Variants in PLCB1 observed in about 807,000 individuals in gnomAD.
PLCB1 encodes phospholipase C beta 1.
Under a neutral mutation model 161.8 loss-of-function variants are expected in PLCB1, and 46 were observed. That is an observed-to-expected ratio of 0.28 (90% CI 0.22 to 0.36). The LOEUF is 0.36. PLCB1 is among the 10% of genes least tolerant of loss of function. PLCB1 has a pLI of 1.00. For synonymous variants in PLCB1, 517 were observed against 503.7 expected (o/e 1.03, Z -0.35); for missense variants, 1,016 against 1,472.5 (o/e 0.69, Z 5.07).
At position 8,536,591 on chromosome 20, in the gene PLCB1, C is replaced by A. The variant is rs371944629; in HGVS notation, c.247-91703C>A. Among the ~76,000 whole-genome samples, 72 of 152,200 alleles carry A rather than the reference C, an allele frequency of 4.7e-4. No homozygotes were observed. In the South Asian group the frequency reaches 7.1e-3, roughly 15 times the overall value. On this transcript the variant is annotated intron_variant, in intron 3 of 31. Coordinates refer to ENST00000338037, the MANE Select transcript of PLCB1 (RefSeq NM_015192.4). ...TCTGAAGGCTCACTGGGCTAGACAT[C>A]CCAGGTGATCATCACTCACCGGCCC... is the stretch of plus-strand genomic sequence containing the variant.
intron 3 of PLCB1, among the ~76,000 whole-genome samples, chr20:8,477,477 A>C (rs1172602643): frequency 2.6e-5 from 4 of 152,232 alleles, no homozygotes; most frequent in Non-Finnish European, 5.9e-5. Context: ...AAATGTATCA[A>C]CTTCCATGTA....
chr20:8,772,195 CTCTG>C (rs1196197672), intron 26 of PLCB1, among the ~76,000 whole-genome samples: 2 of 151,932 alleles, frequency 1.3e-5, no homozygotes, highest in African/African-American at 2.4e-5. Flanking sequence ...GTTCCTAATA[CTCTG>C]TCTTTCCCTG....
At chr20:8,649,542 G>T in intron 7 of PLCB1, 93 bp downstream of exon 7, 1 of 851,552 alleles carries the variant, frequency 1.2e-6, no homozygotes, top group South Asian at 1.4e-5. Context: ...TTGAGAGGTA[G>T]GGCCTTTAAG....
chr20:8,723,545 T>C (rs1979764039), intron 15 of PLCB1, among the ~76,000 whole-genome samples: 1 of 152,194 alleles, frequency 6.6e-6, no homozygotes, highest in East Asian at 1.9e-4. Context: ...CAAAGTAATA[T>C]GTCATAGCTA....
At chr20:8,143,774 G>A (rs1348761007) in intron 1 of PLCB1, among the ~76,000 whole-genome samples, 1 of 152,188 alleles carries the variant, frequency 6.6e-6, no homozygotes, top group African/African-American at 2.4e-5. Context: ...TAATGTGGTT[G>A]GATGGCAAGG....
chr20:8,371,142 C>G, intron 2 of PLCB1: 1 of 466,806 alleles, frequency 2.1e-6, no homozygotes, highest in South Asian at 3.4e-5. Flanking sequence ...GTAGGATAGA[C>G]TGGGGACATA....
chr20:8,372,585 A>G (rs1220183028), intron 3 of PLCB1, among the ~76,000 whole-genome samples: 5 of 152,254 alleles, frequency 3.3e-5, no homozygotes, highest in Admixed American at 2.6e-4. Flanking sequence ...ATATGAAACT[A>G]ATCTGTTATT....
chr20:8,768,223 G>T (rs193181641), intron 26 of PLCB1, among the ~76,000 whole-genome samples: 1 of 152,056 alleles, frequency 6.6e-6, no homozygotes, highest in Non-Finnish European at 1.5e-5. Context: ...TGGACTATGC[G>T]CTCTCTGAAA....
At chr20:8,169,692 G>A (rs2123066206) in intron 2 of PLCB1, among the ~76,000 whole-genome samples, 1 of 152,212 alleles carries the variant, frequency 6.6e-6, no homozygotes, top group African/African-American at 2.4e-5. Flanking sequence ...CTATCTAAGA[G>A]TTAGTAGATC....
At chr20:8,601,146 G>A (rs549251051) in intron 3 of PLCB1, among the ~76,000 whole-genome samples, 3 of 152,122 alleles carry the variant, frequency 2.0e-5, no homozygotes, top group East Asian at 3.9e-4. Context: ...CAAAATATAA[G>A]GAGCAAAAGA....
chr20:8,685,890 C>G (rs983179697), intron 10 of PLCB1, among the ~76,000 whole-genome samples: 1 of 152,142 alleles, frequency 6.6e-6, no homozygotes, highest in Admixed American at 6.5e-5. Context: ...CTAATCTGAT[C>G]TTAAATTAAG....
At chr20:8,388,192 G>A (rs13038039) in intron 3 of PLCB1, among the ~76,000 whole-genome samples, 20,714 of 151,918 alleles carry the variant, frequency 0.14, 1,838 homozygotes, top group Non-Finnish European at 0.19. Context: ...ATACCCTTTT[G>A]TATATGCTTT....
At chr20:8,752,721 A>G (rs1281818269) in intron 23 of PLCB1, among the ~76,000 whole-genome samples, 1 of 150,706 alleles carries the variant, frequency 6.6e-6, no homozygotes, top group African/African-American at 2.4e-5. Flanking sequence ...TGAACCCAGG[A>G]GGTGGAGGTT....
chr20:8,687,521 A>G (rs1033626795), intron 10 of PLCB1, among the ~76,000 whole-genome samples: 3 of 152,024 alleles, frequency 2.0e-5, no homozygotes, highest in Non-Finnish European at 4.4e-5. Context: ...AAAGTCTATT[A>G]TATCATTCTT....
intron 9 of PLCB1, among the ~76,000 whole-genome samples, chr20:8,673,818 T>C (rs559534185): frequency 3.9e-5 from 6 of 152,340 alleles, no homozygotes; most frequent in African/African-American, 4.8e-5. Flanking sequence ...GTTGAGCATT[T>C]ACAAGCCAGG....
At chr20:8,305,344 A>T (rs1984084643) in intron 2 of PLCB1, among the ~76,000 whole-genome samples, 1 of 152,234 alleles carries the variant, frequency 6.6e-6, no homozygotes. Flanking sequence ...TCATATTTTC[A>T]TAGCCAGCAA....
At chr20:8,470,993 G>A (rs1353050937) in intron 3 of PLCB1, among the ~76,000 whole-genome samples, 2 of 152,018 alleles carry the variant, frequency 1.3e-5, no homozygotes, top group Non-Finnish European at 2.9e-5. Context: ...AAATAGTGTG[G>A]AACACTTGCA....
chr20:8,171,232 G>A (rs1355518556), intron 2 of PLCB1, among the ~76,000 whole-genome samples: 2 of 151,926 alleles, frequency 1.3e-5, no homozygotes, highest in African/African-American at 4.8e-5. Context: ...AAATATATAA[G>A]CATGTAAAAT....
chr20:8,701,068 T>C (rs1254359658), intron 11 of PLCB1, among the ~76,000 whole-genome samples: 1 of 152,218 alleles, frequency 6.6e-6, no homozygotes. Flanking sequence ...TGAGTGTCTC[T>C]TTAAATTTTG....
Sources: gnomAD v4.1 joint callset for allele counts (sites outside exome capture counted in the v4.1 genomes callset) on GRCh38, gnomAD v4.1.1 for gene constraint, MANE v1.5 for transcripts, NCBI Gene and HGNC (gene_info 2026-07-23, HGNC 2026-07-21) for gene names.